PAX3: variants seen among roughly 807,000 people sequenced by gnomAD.
The protein encoded by PAX3 is paired box protein Pax-3.
Under a neutral mutation model 51.6 loss-of-function variants are expected in PAX3, and 14 were observed. The observed-to-expected ratio is 0.27, with a 90% CI of 0.18 to 0.42. The LOEUF is 0.42. Among genes scored for constraint, PAX3 ranks in the 10% least tolerant of loss-of-function variants. PAX3 has a pLI of 1.00. For synonymous variants in PAX3, 280 were observed against 253.4 expected (o/e 1.11, Z -1.00); for missense variants, 540 against 642.8 (o/e 0.84, Z 1.73).
intron 3 of PAX3, among the ~76,000 whole-genome samples, chr2:222,295,118 C>T (rs1695224436): frequency 6.6e-6 from 1 of 152,162 alleles, no homozygotes; most frequent in Admixed American, 6.5e-5. Context: ...GAAATCGGGG[C>T]CGTTGTGGAA....
At chr2:222,212,695 G>A (rs1325635964) in intron 7 of PAX3, among the ~76,000 whole-genome samples, 2 of 151,884 alleles carry the variant, frequency 1.3e-5, no homozygotes, top group African/African-American at 4.8e-5. Flanking sequence ...AGTCTTCTGT[G>A]TCTGTAGTAC....
chr2:222,204,435 C>T (rs1057236977), intron 7 of PAX3, among the ~76,000 whole-genome samples: 3 of 152,094 alleles, frequency 2.0e-5, no homozygotes, highest in Admixed American at 6.6e-5. Context: ...AATTCATGAA[C>T]TTCAATTGAT....
intron 4 of PAX3, among the ~76,000 whole-genome samples, chr2:222,251,326 T>A (rs970874450): frequency 6.6e-6 from 1 of 150,804 alleles, no homozygotes; most frequent in African/African-American, 2.4e-5. Flanking sequence ...CATTGTTCAA[T>A]TCCCACCTAT....
chr2:222,204,901 T>C (rs1174426029), intron 7 of PAX3, among the ~76,000 whole-genome samples: 1 of 152,206 alleles, frequency 6.6e-6, no homozygotes, highest in Non-Finnish European at 1.5e-5. Flanking sequence ...CAGAGCAGAA[T>C]TTTATTCAAA....
chr2:222,277,922 G>A (rs1308618744), intron 4 of PAX3, among the ~76,000 whole-genome samples: 2 of 134,032 alleles, frequency 1.5e-5, no homozygotes, highest in African/African-American at 2.7e-5. Context: ...AACAGAGCGA[G>A]ACTCCATCTC....
chr2:222,275,294 T>C lies in PAX3; in HGVS notation c.586+18873A>G, dbSNP rs911359464. Among the ~76,000 whole-genome samples, 3 of 152,336 alleles carry C rather than the reference T, an allele frequency of 2.0e-5. No individual in the cohort carries two copies. The Middle Eastern group carries it at 0.01, about 518-fold the overall frequency. On this transcript the variant is annotated intron_variant, in intron 4 of 8. Coordinates refer to ENST00000392070, the MANE Select transcript of PAX3 (RefSeq NM_181458.4). Reference sequence around the variant, plus strand: ...TTTTAAAAGATTAGTAAATATTTTATGGCAATATTTGCTTACATGTGTTTC... The same window carrying C: ...TTTTAAAAGATTAGTAAATATTTTACGGCAATATTTGCTTACATGTGTTTC...
chr2:222,273,716 T>A (rs368495120), intron 4 of PAX3, among the ~76,000 whole-genome samples: 15 of 152,208 alleles, frequency 9.9e-5, no homozygotes, highest in African/African-American at 3.4e-4. Context: ...TTAGCAGAAA[T>A]GATTGTTATT....
chr2:222,295,356 C>T (rs910354435), intron 3 of PAX3, among the ~76,000 whole-genome samples, 172 bp downstream of exon 3: 1 of 152,214 alleles, frequency 6.6e-6, no homozygotes, highest in African/African-American at 2.4e-5. Context: ...GCAGCTCACC[C>T]CTCCCTCCAT....
chr2:222,230,869 A>G (rs2106092765), intron 5 of PAX3, among the ~76,000 whole-genome samples: 1 of 151,692 alleles, frequency 6.6e-6, no homozygotes, highest in East Asian at 1.9e-4. Flanking sequence ...AAAAAAAAAA[A>G]AAAAAATCTC....
chr2:222,252,385 A>G (rs186027742), intron 4 of PAX3, among the ~76,000 whole-genome samples: 4 of 152,336 alleles, frequency 2.6e-5, no homozygotes, highest in African/African-American at 9.6e-5. Flanking sequence ...TCAAATCAAC[A>G]TTATTATTAT....
At chr2:222,254,495 A>G (rs1693561916) in intron 4 of PAX3, among the ~76,000 whole-genome samples, 1 of 152,224 alleles carries the variant, frequency 6.6e-6, no homozygotes, top group Non-Finnish European at 1.5e-5. Flanking sequence ...GGTTTCCCAC[A>G]GTCACTAAGT....
At chr2:222,268,516 C>T (rs1419658477) in intron 4 of PAX3, among the ~76,000 whole-genome samples, 1 of 152,038 alleles carries the variant, frequency 6.6e-6, no homozygotes, top group East Asian at 1.9e-4. Flanking sequence ...GCGGTTACCA[C>T]GGAGGGCTTT....
At position 222,280,430 on chromosome 2, in the gene PAX3, G is replaced by GAAAGA. The variant is rs879830361; in HGVS notation, c.586+13736_586+13737insTCTTT. Among the ~76,000 whole-genome samples, 449 of 150,198 alleles carry GAAAGA rather than the reference G, an allele frequency of 3.0e-3. 1 individual carries two copies. The highest frequency in any genetic ancestry group is 8.3e-3 in the African/African-American group (337 of 40,708). ...AGAAAGAAAAAAGAAAGAAAGAAAG[G>GAAAGA]AAGGAAGGAAGGAAGAAAGAAAGAG... is the stretch of plus-strand genomic sequence containing the variant. On this transcript the variant is annotated intron_variant, in intron 4 of 8. Coordinates refer to ENST00000392070, the MANE Select transcript of PAX3 (RefSeq NM_181458.4).
intron 4 of PAX3, among the ~76,000 whole-genome samples, chr2:222,241,416 A>T (rs952961642): frequency 6.6e-6 from 1 of 152,224 alleles, no homozygotes; most frequent in Non-Finnish European, 1.5e-5. Flanking sequence ...TTATTTGCCA[A>T]TCAGAGTAGG....
chr2:222,216,705 AACAC>A (rs71407982), intron 7 of PAX3, among the ~76,000 whole-genome samples: 2 of 149,896 alleles, frequency 1.3e-5, no homozygotes, highest in African/African-American at 2.5e-5. Context: ...CACATACACA[AACAC>A]ACACACACAC....
chr2:222,201,412 G>A lies in PAX3; in HGVS notation c.1451C>T (p.Ala484Val), dbSNP rs779525812. ...SAFHYLKPDI[A>V] ...AGCTCCAAGTGGACAGTTCACTTACGCGATATCTGGCTTGAGATAATGAAA... is the reference window on the plus strand; with the variant it reads ...AGCTCCAAGTGGACAGTTCACTTACACGATATCTGGCTTGAGATAATGAAA... Residue 484 changes from alanine (A) to valine (V), a missense_variant, in exon 9 of 9, where the codon GCG becomes GTG. Ala to Val is a moderately conservative substitution (Grantham distance 64). Transcript: ENST00000392070. The A allele has an allele frequency of 6.0e-5, 97 of 1,613,610 alleles. 1 individual carries two copies. Among genetic ancestry groups the A allele is most frequent in the Middle Eastern group, 4.9e-4 (3 of 6,082 alleles).
intron 4 of PAX3, chr2:222,263,529 T>C (rs2106147966): frequency 6.6e-6 from 1 of 152,312 alleles, no homozygotes; most frequent in East Asian, 1.9e-4. Flanking sequence ...GCTGGTGGAA[T>C]GCAGAAGGAT....
chr2:222,223,734 A>C (rs1401860473), intron 5 of PAX3, among the ~76,000 whole-genome samples: 2 of 152,154 alleles, frequency 1.3e-5, no homozygotes, highest in Admixed American at 1.3e-4. Context: ...CTGGGAGGAG[A>C]ACTGGACTTC....
At chr2:222,279,292 T>G (rs1051855111) in intron 4 of PAX3, among the ~76,000 whole-genome samples, 2 of 132,520 alleles carry the variant, frequency 1.5e-5, no homozygotes, top group Non-Finnish European at 3.2e-5. Flanking sequence ...TAGAGCTGAG[T>G]GCAAGCCTGT....
Sources: gnomAD v4.1 joint callset for allele counts (sites outside exome capture counted in the v4.1 genomes callset) on GRCh38, gnomAD v4.1.1 for gene constraint, MANE v1.5 for transcripts, NCBI Gene and HGNC (gene_info 2026-07-23, HGNC 2026-07-21) for gene names.